LAG3: variants seen among roughly 807,000 people sequenced by gnomAD.
The protein encoded by LAG3 is lymphocyte activating 3, also known as lymphocyte activation gene 3 protein.
Under a neutral mutation model 49.0 loss-of-function variants are expected in LAG3, and 29 were observed. The observed-to-expected ratio is 0.59, with a 90% CI of 0.44 to 0.81. The LOEUF is 0.81. LAG3 is among the 30% of genes least tolerant of loss of function. The probability of loss-of-function intolerance (pLI) is 0.00; values close to 1 mark genes in which losing one functional copy is unlikely to be tolerated. For synonymous variants in LAG3, 320 were observed against 297.3 expected (o/e 1.08, Z -0.79); for missense variants, 693 against 695.2 (o/e 1.00, Z 0.04).
Position 6,772,535 on chromosome 12 carries a change from G to C in LAG3, c.-318G>C. On this transcript the variant is annotated 5_prime_UTR_variant, in exon 1 of 8. Transcript: ENST00000203629. ...GTGAAGGCCCAGAGACCAGCAGAACGGCATCCCAGCCACGACGGCCACTTT... is the reference window on the plus strand; with the variant it reads ...GTGAAGGCCCAGAGACCAGCAGAACCGCATCCCAGCCACGACGGCCACTTT... The C allele has an allele frequency of 3.3e-6, 1 of 307,004 alleles. No individual in the cohort carries two copies. Among genetic ancestry groups the C allele is most frequent in the Non-Finnish European group, 6.0e-6 (1 of 165,610 alleles). 19.0% of individuals were successfully genotyped at this position (307,004 alleles called of 1,614,324 possible).
Position 6,777,617 on chromosome 12 carries a change from C to T in LAG3, c.1300+111C>T, listed in dbSNP as rs1941922010. The T allele has an allele frequency of 2.0e-6, 3 of 1,485,930 alleles. No homozygotes were observed. The South Asian group carries it at 3.7e-5, about 18-fold the overall frequency. 92.0% of individuals were successfully genotyped at this position (1,485,930 alleles called of 1,614,324 possible). On this transcript the variant is annotated intron_variant, in intron 6 of 7. Coordinates refer to ENST00000203629, the MANE Select transcript of LAG3 (RefSeq NM_002286.6). ...CAGCGCTTTTCTTTCCAGTCAGGGA[C>T]CTGATCTCTGGCTTTTGCCTAGGGT...
rs1195811369 is a variant in LAG3, at chr12:6,773,516, A to G, written c.206+177A>G. Among the ~76,000 whole-genome samples the G allele has an allele frequency of 6.6e-6, 1 of 152,156 alleles. No individual in the cohort carries two copies. The highest frequency in any genetic ancestry group is 1.5e-5 in the Non-Finnish European group (1 of 68,014). ...CTCTGCAATCAGCGACCCTCACGCC[A>G]GCATCCCTTCTCTCCAGAAGTGGAT... On this transcript the variant is annotated intron_variant, in intron 2 of 7. Transcript: ENST00000203629. The surrounding 1 kb of genome is among the most constrained non-coding windows in gnomAD (Gnocchi z 5.5).
rs993016715 is a variant in LAG3, at chr12:6,773,938, G to A, written c.448G>A (p.Ala150Thr). ...CGCGGACGCCGGCGAGTACCGCGCCGCGGTGCACCTCAGGGACCGCGCCCT... is the reference window on the plus strand; with the variant it reads ...CGCGGACGCCGGCGAGTACCGCGCCACGGTGCACCTCAGGGACCGCGCCCT... ...RRADAGEYRA[A>T]VHLRDRALSC... Residue 150 changes from alanine to threonine, a missense_variant, in exon 3 of 8, where the codon GCG (alanine) becomes ACG (threonine). Ala to Thr is a moderately conservative substitution (Grantham distance 58). Coordinates refer to ENST00000203629, the MANE Select transcript of LAG3 (RefSeq NM_002286.6). The surrounding 1 kb of genome is among the most constrained non-coding windows in gnomAD (Gnocchi z 5.5). 5.7e-6 allele frequency: 8 copies of A among 1,408,374 alleles called. No individual in the cohort carries two copies. The Admixed American group carries it at 2.4e-4, about 42-fold the overall frequency. The allele number at this position is 1,408,374 out of a possible 1,614,324, so 87.2% of individuals were successfully genotyped here.
Position 6,775,316 on chromosome 12 carries a change from T to C in LAG3, c.825T>C (p.Gly275=), listed in dbSNP as rs1429117513. ...CCTTGACAGTGTACGCTGGAGCAGGTTCCAGGGTGGGGCTGCCCTGCCGCC... is the reference window on the plus strand; with the variant it reads ...CCTTGACAGTGTACGCTGGAGCAGGCTCCAGGGTGGGGCTGCCCTGCCGCC... ...PTPLTVYAGA[G]SRVGLPCRLP... is the part of the protein sequence containing the mutation. The change falls in exon 5 of 8, where the codon GGT becomes GGC. Residue 275 remains glycine, a synonymous_variant. Transcript: ENST00000203629. The C allele has an allele frequency of 6.2e-7, 1 of 1,614,212 alleles. No homozygotes were observed.
Position 6,773,724 on chromosome 12 carries a change from TC to T in LAG3, c.238del (p.Leu80TrpfsTer23). 1 of 1,342,660 alleles carries T rather than the reference TC, an allele frequency of 7.4e-7. No individual in the cohort carries two copies. Among genetic ancestry groups the T allele is most frequent in the Non-Finnish European group, 9.5e-7 (1 of 1,053,272 alleles). The allele number at this position is 1,342,660 out of a possible 1,614,324, so 83.2% of individuals were successfully genotyped here. ...SGPPAAAPGH[P>X]LAPGPHPAAP... ...GCCCGCCCGCTGCCGCCCCCGGCCATCCCCTGGCCCCCGGCCCTCACCCGGC... is the reference window on the plus strand; with the variant it reads ...GCCCGCCCGCTGCCGCCCCCGGCCATCCCTGGCCCCCGGCCCTCACCCGGC... On this transcript the variant is annotated frameshift_variant, in exon 3 of 8. Coordinates refer to ENST00000203629, the MANE Select transcript of LAG3 (RefSeq NM_002286.6). LOFTEE classifies it high-confidence loss of function. The surrounding 1 kb of genome is among the most constrained non-coding windows in gnomAD (Gnocchi z 5.5).
Position 6,773,924 on chromosome 12 carries a change from G to C in LAG3, c.434G>C (p.Gly145Ala). Reference sequence around the variant, plus strand: ...CGCCCAGCCCGGCGCGCGGACGCCGGCGAGTACCGCGCCGCGGTGCACCTC... The same window carrying C: ...CGCCCAGCCCGGCGCGCGGACGCCGCCGAGTACCGCGCCGCGGTGCACCTC... Reference protein sequence around the residue: ...WLRPARRADAGEYRAAVHLRD... With the variant: ...WLRPARRADAAEYRAAVHLRD... Residue 145 changes from glycine (G) to alanine (A), a missense_variant, in exon 3 of 8, where the codon GGC becomes GCC. By Grantham distance (60) the Gly-to-Ala change is moderately conservative (BLOSUM62 0). Coordinates refer to ENST00000203629, the MANE Select transcript of LAG3 (RefSeq NM_002286.6). This position sits in a 1 kb window ranked among gnomAD's most constrained non-coding sequence, Gnocchi z 5.5. The C allele has an allele frequency of 7.2e-7, 1 of 1,396,342 alleles. No individual in the cohort carries two copies. The highest frequency in any genetic ancestry group is 9.2e-7 in the Non-Finnish European group (1 of 1,084,728). 86.5% of individuals were successfully genotyped at this position (1,396,342 alleles called of 1,614,324 possible).
rs1474487519 is a variant in LAG3 at position 6,772,779 on chromosome 12, A to AC, written c.-68dup. 5.9e-5 allele frequency: 16 copies of AC among 269,900 alleles called. No homozygotes were observed. Among genetic ancestry groups the AC allele is most frequent in the South Asian group, 1.9e-4 (5 of 26,908 alleles). The allele number at this position is 269,900 out of a possible 1,614,324, so 16.7% of individuals were successfully genotyped here. ...CTGCAGAACTTCTCCTTTACCCCCC[A>AC]CCCCCCACCACTGCCCCCTTTCCTT... On this transcript the variant is annotated 5_prime_UTR_variant, in exon 1 of 8. Coordinates refer to ENST00000203629, the MANE Select transcript of LAG3 (RefSeq NM_002286.6).
intron 4 of LAG3, 146 bp downstream of exon 4, chr12:6,775,010 A>G (rs756554282): frequency 3.3e-6 from 3 of 899,420 alleles, no homozygotes; most frequent in Non-Finnish European, 5.1e-6. Flanking sequence ...ACCCCTTTAT[A>G]TTGCTGGCAG....
Position 6,778,287 on chromosome 12 carries a change from C to T in LAG3, c.1475C>T (p.Pro492Leu), listed in dbSNP as rs774529367. ...RFSALEQGIH[P>L]PQAQSKIEEL... ...TCTGCCTTAGAGCAAGGGATTCACC[C>T]TCCGCAGGCTCAGAGCAAGATAGAG... The change falls in exon 8 of 8, where the codon CCT becomes CTT. Residue 492 changes from proline (P) to leucine (L), a missense_variant. Transcript: ENST00000203629. 6.2e-7 allele frequency: 1 copy of T among 1,613,032 alleles called. No individual in the cohort carries two copies. The highest frequency in any genetic ancestry group is 8.5e-7 in the Non-Finnish European group (1 of 1,179,486).
chr12:6,777,098 A>C (rs1472445140), intron 5 of LAG3, among the ~76,000 whole-genome samples, 166 bp from the exon 6 acceptor site: 1 of 152,164 alleles, frequency 6.6e-6, no homozygotes, highest in Non-Finnish European at 1.5e-5. Flanking sequence ...TAAAAAAATA[A>C]ATAGAAAGAA....
rs369193888 is a variant in LAG3, at chr12:6,772,842, C to G, written c.-11C>G. ...TTTGGAGGGCTCAGCGCTGCCCAGACCATAGGAGAGATGTGGGAGGCTCAG... is the reference window on the plus strand; with the variant it reads ...TTTGGAGGGCTCAGCGCTGCCCAGAGCATAGGAGAGATGTGGGAGGCTCAG... On this transcript the variant is annotated 5_prime_UTR_variant, in exon 1 of 8. Coordinates refer to ENST00000203629, the MANE Select transcript of LAG3 (RefSeq NM_002286.6). The G allele has an allele frequency of 3.1e-6, 5 of 1,610,632 alleles. No homozygotes were observed. Among genetic ancestry groups the G allele is most frequent in the Non-Finnish European group, 4.2e-6 (5 of 1,178,338 alleles).
chr12:6,774,487 C>G (rs1941881590), intron 3 of LAG3, 108 bp from the exon 4 acceptor site: 1 of 1,272,152 alleles, frequency 7.9e-7, no homozygotes, highest in East Asian at 2.3e-5. Flanking sequence ...GAGGAGAAGA[C>G]AAGTCTAAAG....
chr12:6,774,902 C>T, intron 4 of LAG3, 38 bp downstream of exon 4: 1 of 1,574,682 alleles, frequency 6.4e-7, no homozygotes, highest in Non-Finnish European at 8.7e-7. Context: ...GACCACAACT[C>T]CTTCCTGCCC....
In LAG3 at chr12:6,773,071, G is replaced by A. The variant is rs1045592248; in HGVS notation, c.59-121G>A. Reference sequence around the variant, plus strand: ...CCCGAAAGCCTCTCTGGGCAGAGAAGAAACAGAAACCCAAGTTCTTCCTGC... The same window carrying A: ...CCCGAAAGCCTCTCTGGGCAGAGAAAAAACAGAAACCCAAGTTCTTCCTGC... On this transcript the variant is annotated intron_variant, in intron 1 of 7. Coordinates refer to ENST00000203629, the MANE Select transcript of LAG3 (RefSeq NM_002286.6). The surrounding 1 kb of genome is among the most constrained non-coding windows in gnomAD (Gnocchi z 5.5). 2.8e-6 allele frequency: 4 copies of A among 1,414,554 alleles called. No homozygotes were observed. Among genetic ancestry groups the A allele is most frequent in the Non-Finnish European group, 3.9e-6 (4 of 1,034,444 alleles). 87.6% of individuals were successfully genotyped at this position (1,414,554 alleles called of 1,614,324 possible).
At chr12:6,777,626 T>G in intron 6 of LAG3, 120 bp downstream of exon 6, 1 of 1,481,982 alleles carries the variant, frequency 6.7e-7, no homozygotes, top group Non-Finnish European at 9.1e-7. Flanking sequence ...ACCTGATCTC[T>G]GGCTTTTGCC....
Position 6,777,882 on chromosome 12 carries a change from G to T in LAG3, c.1392G>T (p.Leu464Phe). Residue 464 changes from leucine to phenylalanine, a missense_variant, in exon 7 of 8, where the codon TTG (leucine) becomes TTT (phenylalanine). Leu to Phe is a conservative substitution (Grantham distance 22). Coordinates refer to ENST00000203629, the MANE Select transcript of LAG3 (RefSeq NM_002286.6). Reference protein sequence around the residue: ...LILGVLSLLLLVTGAFGFHLW... With the variant: ...LILGVLSLLLFVTGAFGFHLW... Reference sequence around the variant, plus strand: ...TTGGTGTCCTTTCTCTGCTCCTTTTGGTGACTGGAGCCTTTGGCTTTCACC... The same window carrying T: ...TTGGTGTCCTTTCTCTGCTCCTTTTTGTGACTGGAGCCTTTGGCTTTCACC... 1.9e-6 allele frequency: 3 copies of T among 1,613,820 alleles called. No individual in the cohort carries two copies. Among genetic ancestry groups the T allele is most frequent in the Non-Finnish European group, 2.5e-6 (3 of 1,179,944 alleles).
rs1487441577 is a variant in LAG3, at chr12:6,773,864, G to T, written c.374G>T (p.Arg125Leu). 3 of 1,401,954 alleles carry T rather than the reference G, an allele frequency of 2.1e-6. No homozygotes were observed. Among genetic ancestry groups the T allele is most frequent in the Non-Finnish European group, 2.8e-6 (3 of 1,085,884 alleles). 86.8% of individuals were successfully genotyped at this position (1,401,954 alleles called of 1,614,324 possible). A position where few individuals can be genotyped will look rare whatever the true frequency, so the allele number is the denominator to read the frequency against. ...PLQPRVQLDE[R>L]GRQRGDFSLW... Reference sequence around the variant, plus strand: ...CAGCCCCGCGTCCAGCTGGATGAGCGCGGCCGGCAGCGCGGGGACTTCTCG... The same window carrying T: ...CAGCCCCGCGTCCAGCTGGATGAGCTCGGCCGGCAGCGCGGGGACTTCTCG... Residue 125 changes from arginine (R) to leucine (L), a missense_variant, in exon 3 of 8, where the codon CGC (arginine) becomes CTC (leucine). Transcript: ENST00000203629. This position sits in a 1 kb window ranked among gnomAD's most constrained non-coding sequence, Gnocchi z 5.5.
chr12:6,775,594 A>G (rs1941899003), intron 5 of LAG3, 46 bp downstream of exon 5: 3 of 1,591,672 alleles, frequency 1.9e-6, no homozygotes, highest in East Asian at 2.2e-5. Context: ...CAGGGTAGAA[A>G]GGACAGGGAG....
chr12:6,773,474 C>A lies in LAG3; in HGVS notation c.206+135C>A. The A allele has an allele frequency of 8.3e-7, 1 of 1,208,028 alleles. No homozygotes were observed. Among genetic ancestry groups the A allele is most frequent in the African/African-American group, 1.5e-5 (1 of 64,734 alleles). 74.8% of individuals were successfully genotyped at this position (1,208,028 alleles called of 1,614,324 possible). A position where few individuals can be genotyped will look rare whatever the true frequency, so the allele number is the denominator to read the frequency against. ...GACCCAGTCTCCCTGCCCTCGCTTG[C>A]ACCGTTCCTGCCCTTGCTCTGCAAT... On this transcript the variant is annotated intron_variant, in intron 2 of 7. Coordinates refer to ENST00000203629, the MANE Select transcript of LAG3 (RefSeq NM_002286.6). The surrounding 1 kb of genome is among the most constrained non-coding windows in gnomAD (Gnocchi z 5.5).
Sources: allele counts gnomAD v4.1 joint callset (sites outside exome capture counted in the v4.1 genomes callset), GRCh38; gene constraint gnomAD v4.1.1; non-coding constraint Gnocchi (gnomAD v3.1); transcripts MANE v1.5; gene names NCBI Gene and HGNC (gene_info 2026-07-23, HGNC 2026-07-21).